Variants in TERF1 observed in about 807,000 individuals in gnomAD.
TERF1 encodes the protein telomeric repeat binding factor 1, also known as telomeric repeat-binding factor 1.
In TERF1, 20 loss-of-function variants were observed where a neutral mutation model predicts 55.1. The ratio of observed to expected loss-of-function variants is 0.36; its 90% CI spans 0.26 to 0.53. TERF1 has a LOEUF of 0.53. TERF1 is among the 20% of genes least tolerant of loss of function. The pLI is 0.91. For synonymous variants in TERF1, 168 were observed against 181.2 expected (o/e 0.93, Z 0.59); for missense variants, 439 against 535.7 (o/e 0.82, Z 1.78).
intron 5 of TERF1, among the ~76,000 whole-genome samples, chr8:73,026,636 T>A (rs1192106039): frequency 1.1e-5 from 1 of 94,908 alleles, no homozygotes; most frequent in Non-Finnish European, 2.5e-5. Context: ...CTAGAATTTT[T>A]ATTTTTTTTT....
chr8:73,010,572 A>G (rs538208510), intron 1 of TERF1: 1 of 152,348 alleles, frequency 6.6e-6, no homozygotes, highest in East Asian at 1.9e-4. Context: ...TCTAGTAACA[A>G]TGAGTACACC....
intron 4 of TERF1, among the ~76,000 whole-genome samples, chr8:73,022,742 T>C (rs1808819115): frequency 6.6e-6 from 1 of 152,042 alleles, no homozygotes; most frequent in Non-Finnish European, 1.5e-5. Context: ...AGGTCAGTAG[T>C]TCAAGAGCAG....
chr8:73,034,307 T>A (rs948022643), intron 8 of TERF1, among the ~76,000 whole-genome samples: 6 of 152,158 alleles, frequency 3.9e-5, no homozygotes, highest in African/African-American at 1.4e-4. Context: ...GATTTTTGTA[T>A]TTTTAGTAGA....
Position 73,018,451 on chromosome 8 carries a change from G to A in TERF1, c.416-2233G>A, listed in dbSNP as rs545614874. Among the ~76,000 whole-genome samples the A allele has an allele frequency of 2.0e-5, 3 of 152,272 alleles. No homozygotes were observed. In the South Asian group the frequency reaches 6.2e-4, roughly 32 times the overall value. The stretch of plus-strand genomic sequence containing the variant: ...AGCACTTTGGGAGGCTGAGGCGGGT[G>A]GATCACCTGAGGTCAGGAGTTCGAG... On this transcript the variant is annotated intron_variant, in intron 2 of 9. Coordinates refer to ENST00000276603, the MANE Select transcript of TERF1 (RefSeq NM_017489.3).
intron 9 of TERF1, among the ~76,000 whole-genome samples, chr8:73,044,668 C>T (rs79044614): frequency 2.0e-5 from 3 of 152,102 alleles, no homozygotes; most frequent in Admixed American, 1.3e-4. Context: ...CTTCCTCTTA[C>T]AAAACTGAAA....
At chr8:73,024,392 A>G (rs1047738154) in intron 4 of TERF1, among the ~76,000 whole-genome samples, 3 of 152,224 alleles carry the variant, frequency 2.0e-5, no homozygotes, top group East Asian at 3.8e-4. Context: ...ATGCTAAGCA[A>G]TGCTACATAT....
chr8:73,014,079 G>C (rs1202840368), intron 2 of TERF1, 89 bp downstream of exon 2: 2 of 1,109,720 alleles, frequency 1.8e-6, no homozygotes, highest in East Asian at 4.9e-5. Context: ...TTTGGGGGAA[G>C]TTTGCCTACA....
In TERF1 at chr8:73,008,924, G is replaced by C; in HGVS notation, c.38G>C (p.Arg13Pro). The change falls in exon 1 of 10, where the codon CGG (arginine) becomes CCG (proline). Residue 13 changes from arginine (R) to proline (P), a missense_variant. Transcript: ENST00000276603. ...EDVSSAAPSP[R>P]GCADGRDADP... ...GTTTCCTCAGCGGCCCCGAGCCCGC[G>C]GGGCTGTGCGGATGGTAGGGATGCC... 1.9e-6 allele frequency: 3 copies of C among 1,612,026 alleles called. No homozygotes were observed. Among genetic ancestry groups the C allele is most frequent in the Non-Finnish European group, 2.5e-6 (3 of 1,179,284 alleles).
At chr8:73,040,176 A>G (rs1422889448) in intron 9 of TERF1, among the ~76,000 whole-genome samples, 2 of 152,024 alleles carry the variant, frequency 1.3e-5, no homozygotes, top group Non-Finnish European at 2.9e-5. Context: ...CTTCCTACAC[A>G]TATTACTTGC....
At chr8:73,037,947 A>T (rs982679183) in intron 8 of TERF1, among the ~76,000 whole-genome samples, 1 of 131,642 alleles carries the variant, frequency 7.6e-6, no homozygotes, top group South Asian at 2.2e-4. Flanking sequence ...TATATATATA[A>T]AACATATATA....
intron 8 of TERF1, among the ~76,000 whole-genome samples, chr8:73,034,905 G>C (rs1230901448): frequency 6.6e-6 from 1 of 152,044 alleles, no homozygotes; most frequent in Non-Finnish European, 1.5e-5. Context: ...CAGACAGTCT[G>C]ACTCCAGAGC....
In TERF1 at chr8:73,024,989, G is replaced by C; in HGVS notation, c.774+18G>C. 1.4e-6 allele frequency: 2 copies of C among 1,433,504 alleles called. No individual in the cohort carries two copies. The highest frequency in any genetic ancestry group is 1.9e-6 in the Non-Finnish European group (2 of 1,061,358). The allele number at this position is 1,433,504 out of a possible 1,614,324, so 88.8% of individuals were successfully genotyped here. The stretch of plus-strand genomic sequence containing the variant: ...TAATGAAGGTATACATATTATTCAA[G>C]AGTGACTAATAATAGACTTAAAGGA... On this transcript the variant is annotated intron_variant, in intron 5 of 9. Coordinates refer to ENST00000276603, the MANE Select transcript of TERF1 (RefSeq NM_017489.3).
intron 8 of TERF1, 99 bp from the exon 9 acceptor site, chr8:73,039,017 T>A (rs1334709578): frequency 1.1e-6 from 1 of 921,736 alleles, no homozygotes; most frequent in East Asian, 2.8e-5. Context: ...TTTCTTAGAA[T>A]AGCTTAGAAA....
chr8:73,019,914 G>T (rs1172682642), intron 2 of TERF1, among the ~76,000 whole-genome samples: 2 of 151,810 alleles, frequency 1.3e-5, no homozygotes, highest in Admixed American at 6.6e-5. Context: ...CTTTCTTCTA[G>T]CCCTTACTAC....
intron 8 of TERF1, among the ~76,000 whole-genome samples, chr8:73,032,599 T>A (rs1450932411): frequency 2.0e-5 from 3 of 151,564 alleles, no homozygotes; most frequent in Admixed American, 2.0e-4. Context: ...ATATGTATGT[T>A]TGTGTAAGTG....
chr8:73,029,809 T>C (rs980483765), intron 6 of TERF1: 1 of 152,296 alleles, frequency 6.6e-6, no homozygotes, highest in East Asian at 1.9e-4. Flanking sequence ...AATATCATTT[T>C]AGGAGAGAGG....
In TERF1 at chr8:73,047,331, T is replaced by C. The variant is rs903430452; in HGVS notation, c.*1194T>C. 8 of 152,110 alleles carry C rather than the reference T, an allele frequency of 5.3e-5. No homozygotes were observed. The highest frequency in any genetic ancestry group is 1.9e-4 in the African/African-American group (8 of 41,398). 9.4% of individuals were successfully genotyped at this position (152,110 alleles called of 1,614,324 possible). ...AAACTTTGACAAAAATGGTTTTGAA[T>C]AGATCTTTATAACCTGATGCCATAA... On this transcript the variant is annotated 3_prime_UTR_variant, in exon 10 of 10. Coordinates refer to ENST00000276603, the MANE Select transcript of TERF1 (RefSeq NM_017489.3).
intron 9 of TERF1, among the ~76,000 whole-genome samples, chr8:73,045,158 T>C: frequency 6.6e-6 from 1 of 152,200 alleles, no homozygotes; most frequent in Non-Finnish European, 1.5e-5. Flanking sequence ...TGCACACAGG[T>C]TCCAATTTAT....
intron 6 of TERF1, 67 bp downstream of exon 6, chr8:73,027,119 ATG>A (rs1809043683): frequency 1.8e-6 from 2 of 1,091,216 alleles, no homozygotes; most frequent in Non-Finnish European, 1.3e-6. Flanking sequence ...TAAAATTGAT[ATG>A]TCTTTTTATT....
Sources: gnomAD v4.1 joint callset for allele counts (sites outside exome capture counted in the v4.1 genomes callset) on GRCh38, gnomAD v4.1.1 for gene constraint, MANE v1.5 for transcripts, NCBI Gene and HGNC (gene_info 2026-07-23, HGNC 2026-07-21) for gene names.